AUTS2: variants seen among roughly 807,000 people sequenced by gnomAD.
AUTS2 encodes the protein autism susceptibility gene 2 protein.
In AUTS2, 17 loss-of-function variants were observed where a neutral mutation model predicts 112.4. The observed-to-expected ratio is 0.15, with a 90% confidence interval of 0.10 to 0.23. AUTS2 has a LOEUF of 0.23. AUTS2 is among the 10% of genes least tolerant of loss of function. The pLI, the probability that AUTS2 is intolerant of heterozygous loss-of-function variation, is 1.00. For missense variants in AUTS2, 1,510 were observed against 1,701.6 expected, an observed-to-expected ratio of 0.89 and a Z score of 1.98; for synonymous variants, 751 against 702.7, an observed-to-expected ratio of 1.07 and a Z score of -1.09.
At chr7:69,926,185 A>G (rs1796001652) in intron 2 of AUTS2, among the ~76,000 whole-genome samples, 1 of 152,158 alleles carries the variant, frequency 6.6e-6, no homozygotes, top group South Asian at 2.1e-4. Flanking sequence ...GTTGGTTTAT[A>G]GTGTTGCTCA....
At chr7:70,493,790 TA>T (rs1168697395) in intron 5 of AUTS2, among the ~76,000 whole-genome samples, 1 of 152,194 alleles carries the variant, frequency 6.6e-6, no homozygotes, top group Non-Finnish European at 1.5e-5. Context: ...GAAGGTCTAC[TA>T]ATTCCTTTCA....
intron 5 of AUTS2, among the ~76,000 whole-genome samples, chr7:70,490,003 C>CA (rs2116391921): frequency 6.6e-6 from 1 of 152,252 alleles, no homozygotes; most frequent in South Asian, 2.1e-4. Context: ...CTGTGGCATG[C>CA]AGCCAAAGCA....
chr7:69,973,248 GA>G (rs1460742685), intron 2 of AUTS2, among the ~76,000 whole-genome samples: 1 of 152,154 alleles, frequency 6.6e-6, no homozygotes, highest in East Asian at 1.9e-4. Flanking sequence ...TTAGTATACA[GA>G]ATACAACTTA....
chr7:70,013,878 C>T (rs567795555), intron 2 of AUTS2, among the ~76,000 whole-genome samples: 13 of 152,086 alleles, frequency 8.5e-5, no homozygotes, highest in African/African-American at 1.9e-4. Context: ...TCACCACGCC[C>T]GGCTAATGTT....
intron 5 of AUTS2, among the ~76,000 whole-genome samples, chr7:70,472,103 A>G (rs1158978685): frequency 6.6e-6 from 1 of 152,160 alleles, no homozygotes; most frequent in East Asian, 1.9e-4. Context: ...AATGGTTCCC[A>G]TCACACTTAA....
Position 69,606,735 on chromosome 7 carries a change from A to G in AUTS2, c.309+6773A>G, listed in dbSNP as rs186713175. Among the ~76,000 whole-genome samples, 4 of 152,372 alleles carry G rather than the reference A, an allele frequency of 2.6e-5. No individual in the cohort carries two copies. The East Asian group carries it at 5.8e-4, about 22-fold the overall frequency. ...AAAACTTAGATCATTGAAGTTTAGA[A>G]GAGCAATATGATAATGAATTTGGTA... On this transcript the variant is annotated intron_variant, in intron 1 of 18. Transcript: ENST00000342771.
intron 5 of AUTS2, among the ~76,000 whole-genome samples, chr7:70,479,708 C>T (rs1338398917): frequency 6.6e-6 from 1 of 152,004 alleles, no homozygotes; most frequent in Non-Finnish European, 1.5e-5. Context: ...TTTTTGCCTC[C>T]GGAACTCTTC....
chr7:70,190,604 GGT>G (rs1809830181), intron 4 of AUTS2, among the ~76,000 whole-genome samples: 1 of 152,088 alleles, frequency 6.6e-6, no homozygotes, highest in Non-Finnish European at 1.5e-5. Context: ...AGTGCATTCG[GGT>G]AAGGTGATGG....
chr7:69,895,970 A>G (rs1562955928), intron 1 of AUTS2, among the ~76,000 whole-genome samples: 2 of 152,216 alleles, frequency 1.3e-5, no homozygotes, highest in African/African-American at 2.4e-5. Context: ...AAGGAGCTTT[A>G]TACCCTGTGG....
intron 2 of AUTS2, among the ~76,000 whole-genome samples, chr7:69,922,027 G>A (rs1386067516): frequency 6.6e-6 from 1 of 152,190 alleles, no homozygotes; most frequent in East Asian, 1.9e-4. Context: ...TCACGCCATT[G>A]CACTCCAGCC....
chr7:70,143,453 C>T (rs1014367707), intron 4 of AUTS2, among the ~76,000 whole-genome samples: 33 of 152,170 alleles, frequency 2.2e-4, no homozygotes, highest in African/African-American at 7.2e-4. Flanking sequence ...AAAGGACCAG[C>T]GCAGTAACAC....
Position 70,649,823 on chromosome 7 carries a change from G to A in AUTS2, c.691-48746G>A, listed in dbSNP as rs183251335. Among the ~76,000 whole-genome samples the A allele has an allele frequency of 4.7e-3, 722 of 152,098 alleles. 9 individuals carry two copies. Among genetic ancestry groups the A allele is most frequent in the African/African-American group, 0.017 (689 of 41,494 alleles). On this transcript the variant is annotated intron_variant, in intron 5 of 18. Transcript: ENST00000342771. ...ATTATAGGCGTGAGCCACCGCACCC[G>A]GCCCCAGTGGTGATTTTGTAGGTCA...
intron 1 of AUTS2, among the ~76,000 whole-genome samples, chr7:69,808,663 G>A (rs1438055749): frequency 1.3e-5 from 2 of 152,084 alleles, no homozygotes; most frequent in Non-Finnish European, 2.9e-5. Flanking sequence ...CTCTAATGTA[G>A]CCTGTGGTAT....
At chr7:70,081,826 A>T (rs1426991332) in intron 2 of AUTS2, among the ~76,000 whole-genome samples, 4 of 152,176 alleles carry the variant, frequency 2.6e-5, no homozygotes, top group African/African-American at 9.7e-5. Flanking sequence ...CAGCATATGG[A>T]AATCAGAATT....
At chr7:70,001,491 T>TA (rs1313612036) in intron 2 of AUTS2, among the ~76,000 whole-genome samples, 2 of 152,054 alleles carry the variant, frequency 1.3e-5, no homozygotes, top group East Asian at 3.9e-4. Context: ...TGGTGGTTGG[T>TA]ATAGTGCTGA....
At position 70,276,841 on chromosome 7, in the gene AUTS2, C is replaced by A. The variant is rs553469250; in HGVS notation, c.660+142270C>A. ...TAGAGTCATGTGTCATAAGAGAAGGCTAGTAATAGGCTTGAGTTTCAAAGA... is the reference window on the plus strand; with the variant it reads ...TAGAGTCATGTGTCATAAGAGAAGGATAGTAATAGGCTTGAGTTTCAAAGA... On this transcript the variant is annotated intron_variant, in intron 4 of 18. Transcript: ENST00000342771. Among the ~76,000 whole-genome samples the A allele has an allele frequency of 7.2e-5, 11 of 152,144 alleles. No homozygotes were observed. The East Asian group carries it at 2.1e-3, about 29-fold the overall frequency.
At chr7:69,704,780 G>A (rs569722262) in intron 1 of AUTS2, among the ~76,000 whole-genome samples, 1 of 152,308 alleles carries the variant, frequency 6.6e-6, no homozygotes, top group African/African-American at 2.4e-5. Context: ...CATGTACCTT[G>A]TGTTAGAGCT....
intron 4 of AUTS2, among the ~76,000 whole-genome samples, chr7:70,166,459 G>A (rs1808386931): frequency 6.6e-6 from 1 of 152,122 alleles, no homozygotes; most frequent in African/African-American, 2.4e-5. Context: ...GGATGGGAGG[G>A]AGGAAATGGA....
chr7:70,264,333 G>A lies in AUTS2; in HGVS notation c.660+129762G>A, dbSNP rs755890026. The stretch of plus-strand genomic sequence containing the variant: ...AGCGATCCTCCTGCCTCAGCCTCCC[G>A]AGTAGCTGTGACTACAGGCATGCAC... On this transcript the variant is annotated intron_variant, in intron 4 of 18. Coordinates refer to ENST00000342771, the MANE Select transcript of AUTS2 (RefSeq NM_015570.4). 8.4e-4 allele frequency among the ~76,000 whole-genome samples: 127 copies of A among 151,974 alleles called. 1 individual carries two copies. Among genetic ancestry groups the A allele is most frequent in the Non-Finnish European group, 1.1e-3 (77 of 67,956 alleles).
Sources: gnomAD v4.1 joint callset for allele counts (sites outside exome capture counted in the v4.1 genomes callset) on GRCh38, gnomAD v4.1.1 for gene constraint, MANE v1.5 for transcripts, NCBI Gene and HGNC (gene_info 2026-07-23, HGNC 2026-07-21) for gene names.